FER1L6: variants seen among roughly 807,000 people sequenced by gnomAD.
FER1L6 encodes the protein fer-1 like family member 6.
In FER1L6, 177 loss-of-function variants were observed where a neutral mutation model predicts 219.2. That is an observed-to-expected ratio of 0.81 (90% confidence interval 0.71 to 0.91). The LOEUF is 0.91. Ranked by LOEUF, FER1L6 falls within the 40% of genes least tolerant of loss-of-function variation. The probability of loss-of-function intolerance (pLI) is 0.00; values close to 1 mark genes in which losing one functional copy is unlikely to be tolerated. For missense variants in FER1L6, 2,153 were observed against 2,259.9 expected, an observed-to-expected ratio of 0.95 and a Z score of 0.96; for synonymous variants, 768 against 824.3, an observed-to-expected ratio of 0.93 and a Z score of 1.17.
At chr8:124,119,013 T>C in intron 40 of FER1L6, 69 bp downstream of exon 40, 1 of 1,299,826 alleles carries the variant, frequency 7.7e-7, no homozygotes, top group Non-Finnish European at 1.1e-6. Flanking sequence ...TGGTGTCTGA[T>C]AATGGCATTT....
intron 1 of FER1L6, among the ~76,000 whole-genome samples, chr8:123,928,359 A>G (rs553942260): frequency 3.2e-4 from 48 of 152,330 alleles, no homozygotes; most frequent in African/African-American, 8.7e-4. Flanking sequence ...GAATGCAGGC[A>G]TGTGACAGGC....
Position 124,053,627 on chromosome 8 carries a change from C to T in FER1L6, c.2874+3871C>T, listed in dbSNP as rs79477460. On this transcript the variant is annotated intron_variant, in intron 22 of 40. Coordinates refer to ENST00000522917, the MANE Select transcript of FER1L6 (RefSeq NM_001039112.2). ...GCCCTTGCTCAGAAGGATTTAGAGG[C>T]GGGGAGGATCACTTGAGCCCAGGAA... 5.4e-3 allele frequency among the ~76,000 whole-genome samples: 817 copies of T among 152,130 alleles called. 8 individuals are homozygous for T. The highest frequency in any genetic ancestry group is 0.019 in the African/African-American group (773 of 41,496).
At chr8:123,995,461 A>G (rs1220268325) in intron 12 of FER1L6, among the ~76,000 whole-genome samples, 1 of 152,168 alleles carries the variant, frequency 6.6e-6, no homozygotes, top group Non-Finnish European at 1.5e-5. Context: ...GTATTGGCAC[A>G]TAGTTGTTCA....
At chr8:124,118,012 C>T (rs1000354427) in intron 39 of FER1L6, among the ~76,000 whole-genome samples, 2 of 152,158 alleles carry the variant, frequency 1.3e-5, no homozygotes, top group African/African-American at 4.8e-5. Context: ...ATGCATAAAA[C>T]CAAGAGGCAG....
chr8:124,097,922 C>A, intron 37 of FER1L6, 39 bp downstream of exon 37: 2 of 1,070,320 alleles, frequency 1.9e-6, no homozygotes, highest in Non-Finnish European at 1.5e-6. Context: ...CATTTCCTTC[C>A]CTCCTCACCT....
chr8:124,106,815 T>C (rs1356139352), intron 39 of FER1L6, among the ~76,000 whole-genome samples: 1 of 152,162 alleles, frequency 6.6e-6, no homozygotes, highest in East Asian at 1.9e-4. Flanking sequence ...ATGTTTTTGC[T>C]TTCTGTTCCC....
At chr8:123,856,829 T>C (rs528742654) in intron 1 of FER1L6, among the ~76,000 whole-genome samples, 12 of 152,132 alleles carry the variant, frequency 7.9e-5, no homozygotes, top group African/African-American at 2.9e-4. Context: ...AGTAGAACCA[T>C]TGTTAGAAAA....
In FER1L6 at chr8:123,914,802, G is replaced by T. The variant is rs556387113; in HGVS notation, c.-7-41190G>T. Among the ~76,000 whole-genome samples, 36 of 152,302 alleles carry T rather than the reference G, an allele frequency of 2.4e-4. 1 individual carries two copies. The South Asian group carries it at 7.3e-3, about 31-fold the overall frequency. On this transcript the variant is annotated intron_variant, in intron 1 of 40. Transcript: ENST00000522917. ...ATTTCATGGGTTAATTTAGACTTAA[G>T]GGTTAGTAAGAAAAAGTGGGCCAGG...
intron 20 of FER1L6, among the ~76,000 whole-genome samples, chr8:124,043,415 A>G (rs1354325224): frequency 6.6e-6 from 1 of 152,230 alleles, no homozygotes; most frequent in Non-Finnish European, 1.5e-5. Flanking sequence ...CATCATCAAA[A>G]TGTTAGCTAA....
chr8:123,853,607 T>A lies in FER1L6; in HGVS notation c.-8+1422T>A, dbSNP rs966773872. ...TCAGGGGAGATTTTACAAGGGTGGA[T>A]GAGTAGAGAAAAAGGGGTAGGTACG... On this transcript the variant is annotated intron_variant, in intron 1 of 40. Coordinates refer to ENST00000522917, the MANE Select transcript of FER1L6 (RefSeq NM_001039112.2). The surrounding 1 kb of genome is among the most constrained non-coding windows in gnomAD (Gnocchi z 6.6). Among the ~76,000 whole-genome samples the A allele has an allele frequency of 6.6e-6, 1 of 152,120 alleles. No individual in the cohort carries two copies. Among genetic ancestry groups the A allele is most frequent in the Non-Finnish European group, 1.5e-5 (1 of 68,010 alleles).
chr8:123,977,425 C>A lies in FER1L6; in HGVS notation c.879C>A (p.Thr293=). 6.2e-7 allele frequency: 1 copy of A among 1,613,102 alleles called. No homozygotes were observed. The highest frequency in any genetic ancestry group is 8.5e-7 in the Non-Finnish European group (1 of 1,179,490). Reference sequence around the variant, plus strand: ...CCTGGCTGTGTTTTTAGGGGCGAACCACAGTGCAGAAGAACTGTGCTGATC... The same window carrying A: ...CCTGGCTGTGTTTTTAGGGGCGAACAACAGTGCAGAAGAACTGTGCTGATC... ...EVSFAGQMGR[T]TVQKNCADPV... Residue 293 remains threonine, a synonymous_variant, in exon 10 of 41, where the codon ACC becomes ACA. Transcript: ENST00000522917.
At chr8:123,923,375 C>T (rs1395246212) in intron 1 of FER1L6, among the ~76,000 whole-genome samples, 3 of 152,142 alleles carry the variant, frequency 2.0e-5, no homozygotes, top group African/African-American at 4.8e-5. Flanking sequence ...GCTTTTTCCA[C>T]GTATTCTGTT....
At position 124,039,666 on chromosome 8, in the gene FER1L6, C is replaced by G. The variant is rs182897992; in HGVS notation, c.2465-216C>G. Among the ~76,000 whole-genome samples, 11 of 152,256 alleles carry G rather than the reference C, an allele frequency of 7.2e-5. No homozygotes were observed. The East Asian group carries it at 2.1e-3, about 29-fold the overall frequency. On this transcript the variant is annotated intron_variant, in intron 19 of 40. Coordinates refer to ENST00000522917, the MANE Select transcript of FER1L6 (RefSeq NM_001039112.2). Reference sequence around the variant, plus strand: ...AAGACACATAACCTGGTGAAAGCACCAAGGAAGATGGCTGGGTTCAAAGTA... The same window carrying G: ...AAGACACATAACCTGGTGAAAGCACGAAGGAAGATGGCTGGGTTCAAAGTA...
At chr8:124,055,392 T>G (rs1204860358) in intron 22 of FER1L6, among the ~76,000 whole-genome samples, 1 of 152,106 alleles carries the variant, frequency 6.6e-6, no homozygotes, top group Non-Finnish European at 1.5e-5. Flanking sequence ...AAAATGCATC[T>G]GTTTACTCAT....
chr8:124,083,891 T>G (rs1821683116), intron 33 of FER1L6, among the ~76,000 whole-genome samples: 1 of 152,206 alleles, frequency 6.6e-6, no homozygotes, highest in Non-Finnish European at 1.5e-5. Flanking sequence ...TACTGATTCT[T>G]CCAATCCATG....
intron 1 of FER1L6, among the ~76,000 whole-genome samples, chr8:123,890,725 A>G (rs1812631380): frequency 6.7e-6 from 1 of 150,064 alleles, no homozygotes; most frequent in Admixed American, 6.6e-5. Flanking sequence ...AACCAACAAC[A>G]AGAAAATCCC....
chr8:123,953,477 G>A (rs1334427208), intron 1 of FER1L6, among the ~76,000 whole-genome samples: 1 of 152,168 alleles, frequency 6.6e-6, no homozygotes, highest in African/African-American at 2.4e-5. Flanking sequence ...AGGGTCCAGA[G>A]CTCTTGGCTT....
At chr8:124,052,255 A>G (rs1015768819) in intron 22 of FER1L6, among the ~76,000 whole-genome samples, 1 of 152,156 alleles carries the variant, frequency 6.6e-6, no homozygotes, top group Non-Finnish European at 1.5e-5. Flanking sequence ...TTGGATTGAT[A>G]TGAAGGGAGT....
intron 1 of FER1L6, among the ~76,000 whole-genome samples, chr8:123,904,700 A>C (rs1158784104): frequency 1.3e-5 from 2 of 152,186 alleles, no homozygotes; most frequent in African/African-American, 4.8e-5. Flanking sequence ...TTCCACTGTT[A>C]CACAGTGAGT....
Sources: allele counts gnomAD v4.1 joint callset (sites outside exome capture counted in the v4.1 genomes callset), GRCh38; gene constraint gnomAD v4.1.1; non-coding constraint Gnocchi (gnomAD v3.1); transcripts MANE v1.5; gene names NCBI Gene and HGNC (gene_info 2026-07-23, HGNC 2026-07-21).